Variants in EXOC3 observed in about 807,000 individuals in gnomAD.
The protein encoded by EXOC3 is SEC6-like 1.
Under a neutral mutation model 73.7 loss-of-function variants are expected in EXOC3, and 21 were observed. The observed-to-expected ratio is 0.29, with a 90% confidence interval of 0.20 to 0.41. EXOC3 has a LOEUF of 0.41. Ranked by LOEUF, EXOC3 falls within the 10% of genes least tolerant of loss-of-function variation. The pLI, the probability that EXOC3 is intolerant of heterozygous loss-of-function variation, is 1.00. For synonymous variants in EXOC3, 410 were observed against 389.1 expected (o/e 1.05, Z -0.63); for missense variants, 842 against 985.1 (o/e 0.85, Z 1.95).
intron 9 of EXOC3, among the ~76,000 whole-genome samples, chr5:463,963 G>A (rs1738059872): frequency 6.6e-6 from 1 of 152,274 alleles, no homozygotes; most frequent in Non-Finnish European, 1.5e-5. Flanking sequence ...TATACTTAAA[G>A]TACACATTTG....
chr5:444,953 A>C lies in EXOC3; in HGVS notation c.-56-1197A>C, dbSNP rs896310801. On this transcript the variant is annotated intron_variant, in intron 1 of 12. Coordinates refer to ENST00000512944, the MANE Select transcript of EXOC3 (RefSeq NM_007277.5). ...TTTCTACGTTGGTATGCCAAATTTC[A>C]TAATCAGAAAATAAAGAGAAAGGAA... 9.8e-5 allele frequency: 15 copies of C among 152,316 alleles called. No individual in the cohort carries two copies. The East Asian group carries it at 2.9e-3, about 29-fold the overall frequency. 9.4% of individuals were successfully genotyped at this position (152,316 alleles called of 1,614,324 possible).
intron 7 of EXOC3, among the ~76,000 whole-genome samples, chr5:461,353 G>A (rs1457145339): frequency 5.3e-5 from 8 of 152,078 alleles, no homozygotes; most frequent in East Asian, 1.9e-4. Context: ...GGTGGCTTAC[G>A]CCTGTAATCC....
At chr5:460,161 G>A (rs73040710) in intron 7 of EXOC3, among the ~76,000 whole-genome samples, 173 of 152,330 alleles carry the variant, frequency 1.1e-3, no homozygotes, top group African/African-American at 3.9e-3. Flanking sequence ...CCAAGTCTGC[G>A]TTTGGGTTGT....
intron 3 of EXOC3, among the ~76,000 whole-genome samples, chr5:450,415 A>G (rs144525772): frequency 1.3e-5 from 2 of 152,258 alleles, no homozygotes; most frequent in African/African-American, 4.8e-5. Context: ...TTTGTATGAT[A>G]TTTATCTTTT....
At chr5:444,856 G>A (rs1003126825) in intron 1 of EXOC3, 5 of 152,236 alleles carry the variant, frequency 3.3e-5, no homozygotes, top group African/African-American at 1.2e-4. Context: ...AGATTTAAGA[G>A]GAGTTGCCCA....
chr5:464,846 G>A (rs1397304195), intron 10 of EXOC3: 4 of 538,026 alleles, frequency 7.4e-6, no homozygotes, highest in Non-Finnish European at 9.9e-6. Context: ...TGTGGACCGA[G>A]TGCTCATGCG....
intron 1 of EXOC3, 145 bp downstream of exon 1, chr5:443,435 GA>G (rs1737400445): frequency 6.6e-6 from 1 of 152,594 alleles, no homozygotes; most frequent in Non-Finnish European, 1.5e-5. Context: ...GGCCGTTCCG[GA>G]CCCCGTGGAG....
rs754675803 is a variant in EXOC3, at chr5:462,064, CCT to C, written c.1497_1498del (p.Phe500GlnfsTer15). The C allele has an allele frequency of 6.2e-7, 1 of 1,610,708 alleles. No homozygotes were observed. Among genetic ancestry groups the C allele is most frequent in the Non-Finnish European group, 8.5e-7 (1 of 1,178,362 alleles). On this transcript the variant is annotated frameshift_variant, in exon 8 of 13. Transcript: ENST00000512944. LOFTEE classifies it high-confidence loss of function. Reference sequence around the variant, plus strand: ...ATCGCCATCATCAACAACTGCCAGACCTTCAAGTGAGTGTGGCCGGGCGCTGT... The same window carrying C: ...ATCGCCATCATCAACAACTGCCAGACTCAAGTGAGTGTGGCCGGGCGCTGT...
At chr5:456,620 A>C (rs1198301917) in intron 4 of EXOC3, among the ~76,000 whole-genome samples, 1 of 152,156 alleles carries the variant, frequency 6.6e-6, no homozygotes, top group African/African-American at 2.4e-5. Context: ...GGGTGATGCC[A>C]CAGAGACCCC....
At chr5:449,598 G>T (rs891730839) in intron 3 of EXOC3, among the ~76,000 whole-genome samples, 1 of 152,166 alleles carries the variant, frequency 6.6e-6, no homozygotes, top group Non-Finnish European at 1.5e-5. Context: ...GTCCTCAGGG[G>T]TCTTCTATGC....
chr5:449,240 A>G (rs72717439), intron 3 of EXOC3, among the ~76,000 whole-genome samples: 1 of 152,232 alleles, frequency 6.6e-6, no homozygotes, highest in East Asian at 1.9e-4. Context: ...CTCATTGCCT[A>G]TAACTCAGCA....
intron 2 of EXOC3, chr5:447,278 T>G: frequency 2.3e-6 from 1 of 425,920 alleles, no homozygotes; most frequent in East Asian, 4.2e-5. Flanking sequence ...TGAGGCTAGA[T>G]GAGGAGTGTC....
intron 3 of EXOC3, among the ~76,000 whole-genome samples, chr5:450,779 C>T (rs1579734789): frequency 6.8e-6 from 1 of 147,896 alleles, no homozygotes; most frequent in African/African-American, 2.5e-5. Context: ...ATATGGCCTT[C>T]TTTGTGACTA....
chr5:457,052 A>G (rs1472221041), intron 5 of EXOC3, 46 bp downstream of exon 5: 6 of 1,359,838 alleles, frequency 4.4e-6, no homozygotes, highest in South Asian at 3.6e-5. Context: ...TGCTGGTTAT[A>G]TGAGTAACTA....
At chr5:455,727 C>T (rs1737791772) in intron 4 of EXOC3, among the ~76,000 whole-genome samples, 1 of 152,184 alleles carries the variant, frequency 6.6e-6, no homozygotes, top group Non-Finnish European at 1.5e-5. Flanking sequence ...CCTCAGCCTC[C>T]CGAGTACCTG....
At chr5:459,865 G>A (rs757223975) in intron 7 of EXOC3, among the ~76,000 whole-genome samples, 1 of 152,242 alleles carries the variant, frequency 6.6e-6, no homozygotes, top group Non-Finnish European at 1.5e-5. Context: ...AGGCAGCCAT[G>A]ACCTGGCACG....
intron 11 of EXOC3, among the ~76,000 whole-genome samples, 158 bp downstream of exon 11, chr5:465,430 C>T (rs916186664): frequency 6.6e-6 from 1 of 152,226 alleles, no homozygotes; most frequent in East Asian, 1.9e-4. Flanking sequence ...TGGTTGGACA[C>T]GAATGTCCAC....
chr5:464,700 C>G, intron 10 of EXOC3: 1 of 405,070 alleles, frequency 2.5e-6, no homozygotes, highest in South Asian at 2.8e-5. Flanking sequence ...TCCCTGAGGC[C>G]CCAGGGATTT....
In EXOC3 at chr5:457,749, C is replaced by T. The variant is rs1579740678; in HGVS notation, c.1165-151C>T. ...CTCCCATGGGGGTGGCTCCTGGGTC[C>T]CTGCTCTGGAGTCCTCATTTGAGAA... On this transcript the variant is annotated intron_variant, in intron 5 of 12. Transcript: ENST00000512944. 2.8e-5 allele frequency: 22 copies of T among 794,500 alleles called. 1 individual carries two copies. The South Asian group carries it at 3.6e-4, about 13-fold the overall frequency. 49.2% of individuals were successfully genotyped at this position (794,500 alleles called of 1,614,324 possible).
Sources: allele counts gnomAD v4.1 joint callset (sites outside exome capture counted in the v4.1 genomes callset), GRCh38; gene constraint gnomAD v4.1.1; transcripts MANE v1.5; gene names NCBI Gene and HGNC (gene_info 2026-07-23, HGNC 2026-07-21).